The following USP13 variants were observed in gnomAD, a reference collection of about 807,000 sequenced individuals.
USP13 encodes ubiquitin carboxyl-terminal hydrolase 13.
In USP13, 68 loss-of-function variants were observed where a neutral mutation model predicts 107.8. That is an observed-to-expected ratio of 0.63 (90% confidence interval 0.52 to 0.77). The LOEUF (loss-of-function observed/expected upper bound fraction) is 0.77, where lower values mean the gene tolerates loss of function less well. USP13 is among the 30% of genes least tolerant of loss of function. USP13 has a pLI of 0.00. For synonymous variants in USP13, 377 were observed against 389.5 expected, an observed-to-expected ratio of 0.97 and a Z score of 0.38; for missense variants, 945 against 1,093.3, an observed-to-expected ratio of 0.86 and a Z score of 1.91.
chr3:179,736,035 C>G (rs1713984715), intron 10 of USP13, among the ~76,000 whole-genome samples: 1 of 152,114 alleles, frequency 6.6e-6, no homozygotes, highest in South Asian at 2.1e-4. Context: ...AAAACTTCAT[C>G]TCTTTAAAAA....
chr3:179,694,259 G>T (rs1390161845), intron 3 of USP13, among the ~76,000 whole-genome samples: 1 of 152,170 alleles, frequency 6.6e-6, no homozygotes, highest in Non-Finnish European at 1.5e-5. Context: ...ACAGATGTGA[G>T]CCACTGTGCC....
intron 10 of USP13, among the ~76,000 whole-genome samples, chr3:179,738,435 G>T (rs745652615): frequency 6.6e-6 from 1 of 152,220 alleles, no homozygotes; most frequent in Non-Finnish European, 1.5e-5. Context: ...TTTGTTAGCT[G>T]CATGGCAGTT....
Position 179,670,577 on chromosome 3 carries a change from G to A in USP13, c.169-11301G>A, listed in dbSNP as rs73883597. Among the ~76,000 whole-genome samples the A allele has an allele frequency of 5.8e-3, 888 of 152,214 alleles. 10 individuals carry two copies. Among genetic ancestry groups the A allele is most frequent in the African/African-American group, 0.02 (842 of 41,516 alleles). On this transcript the variant is annotated intron_variant, in intron 1 of 20. Coordinates refer to ENST00000263966, the MANE Select transcript of USP13 (RefSeq NM_003940.3). ...ATTTGCCTCCCTGAGGTTACACGCCGTATCACCTCTATTTTACTTGTTCCT... is the reference window on the plus strand; with the variant it reads ...ATTTGCCTCCCTGAGGTTACACGCCATATCACCTCTATTTTACTTGTTCCT...
intron 8 of USP13, among the ~76,000 whole-genome samples, chr3:179,726,352 A>C (rs1713515689): frequency 6.6e-6 from 1 of 152,212 alleles, no homozygotes; most frequent in Admixed American, 6.5e-5. Flanking sequence ...CAGAGTGGGC[A>C]CATGAAGGGC....
Position 179,784,291 on chromosome 3 carries a change from T to C in USP13, c.*150T>C, listed in dbSNP as rs557182912. ...TAAAGAGCACGATCAGTTGACACCT[T>C]CTGAAATAGAACTGAGAAGAAATTT... is the stretch of plus-strand genomic sequence containing the variant. On this transcript the variant is annotated 3_prime_UTR_variant, in exon 21 of 21. Transcript: ENST00000263966. The C allele has an allele frequency of 1.7e-6, 1 of 589,824 alleles. No homozygotes were observed. Among genetic ancestry groups the C allele is most frequent in the East Asian group, 2.8e-5 (1 of 35,334 alleles). 36.5% of individuals were successfully genotyped at this position (589,824 alleles called of 1,614,324 possible). A position where few individuals can be genotyped will look rare whatever the true frequency, so the allele number is the denominator to read the frequency against.
At chr3:179,667,024 C>T (rs1280376928) in intron 1 of USP13, among the ~76,000 whole-genome samples, 1 of 152,160 alleles carries the variant, frequency 6.6e-6, no homozygotes, top group Non-Finnish European at 1.5e-5. Context: ...TCACAGCTGC[C>T]CATTCAACAT....
At chr3:179,656,269 G>A (rs1312349577) in intron 1 of USP13, among the ~76,000 whole-genome samples, 1 of 152,226 alleles carries the variant, frequency 6.6e-6, no homozygotes, top group Admixed American at 6.5e-5. Context: ...GAGAGTAGAT[G>A]ATGGGGGCCT....
At position 179,784,174 on chromosome 3, in the gene USP13, A is replaced by G. The variant is rs760720312; in HGVS notation, c.*33A>G. 2.6e-6 allele frequency: 4 copies of G among 1,520,316 alleles called. No homozygotes were observed. The highest frequency in any genetic ancestry group is 4.5e-5 in the East Asian group (2 of 44,374). 94.2% of individuals were successfully genotyped at this position (1,520,316 alleles called of 1,614,324 possible). On this transcript the variant is annotated 3_prime_UTR_variant, in exon 21 of 21. Coordinates refer to ENST00000263966, the MANE Select transcript of USP13 (RefSeq NM_003940.3). ...ATATAAAAATTGGCGAAAAGAAGCCATACGCCTTTTTAATTTGCCAAAAAA... is the reference window on the plus strand; with the variant it reads ...ATATAAAAATTGGCGAAAAGAAGCCGTACGCCTTTTTAATTTGCCAAAAAA...
chr3:179,763,237 CT>C (rs1226002174), intron 17 of USP13, among the ~76,000 whole-genome samples: 13 of 152,080 alleles, frequency 8.5e-5, no homozygotes, highest in South Asian at 2.1e-4. Flanking sequence ...TCCAATTTAT[CT>C]TTTTTTTCTT....
chr3:179,684,673 T>C (rs1711803268), intron 2 of USP13, among the ~76,000 whole-genome samples: 1 of 152,216 alleles, frequency 6.6e-6, no homozygotes, highest in Admixed American at 6.5e-5. Flanking sequence ...CTCTTCACTC[T>C]CTCAGTTGTG....
At chr3:179,688,694 T>G (rs1317997833) in intron 2 of USP13, among the ~76,000 whole-genome samples, 1 of 152,236 alleles carries the variant, frequency 6.6e-6, no homozygotes, top group East Asian at 1.9e-4. Context: ...CTTGTTATCC[T>G]TCCGGCATCA....
chr3:179,772,790 G>T (rs891575952), intron 19 of USP13, among the ~76,000 whole-genome samples: 1 of 152,230 alleles, frequency 6.6e-6, no homozygotes, highest in South Asian at 2.1e-4. Context: ...GGAGCATTCG[G>T]CATTGTAACC....
In USP13 at chr3:179,681,941, GA is replaced by G; in HGVS notation, c.235del (p.Arg79AspfsTer14). On this transcript the variant is annotated frameshift_variant, in exon 2 of 21. Transcript: ENST00000263966. LOFTEE classifies it high-confidence loss of function. Reference sequence around the variant, plus strand: ...TTTGGCCTTTGGAAGGGAACATGTTGAAAGACATTTTCGAAAAACTGGACAG... The same window carrying G: ...TTTGGCCTTTGGAAGGGAACATGTTGAAGACATTTTCGAAAAACTGGACAG... ...TFLAFGREHV[E>X]RHFRKTGQSV... 1 of 1,614,048 alleles carries G rather than the reference GA, an allele frequency of 6.2e-7. No individual in the cohort carries two copies. Among genetic ancestry groups the G allele is most frequent in the Non-Finnish European group, 8.5e-7 (1 of 1,179,962 alleles).
chr3:179,775,349 T>C (rs184532852), intron 19 of USP13, among the ~76,000 whole-genome samples: 1 of 150,720 alleles, frequency 6.6e-6, no homozygotes, highest in Non-Finnish European at 1.5e-5. Flanking sequence ...GGTGCATCCA[T>C]GAACCCCAAG....
intron 19 of USP13, among the ~76,000 whole-genome samples, chr3:179,771,745 G>C (rs1441814762): frequency 1.3e-5 from 2 of 152,198 alleles, no homozygotes; most frequent in Non-Finnish European, 2.9e-5. Flanking sequence ...ATTATTACAA[G>C]GGTAGGGATT....
chr3:179,740,973 G>T (rs1469338805), intron 11 of USP13, among the ~76,000 whole-genome samples: 2 of 151,938 alleles, frequency 1.3e-5, no homozygotes, highest in Admixed American at 1.3e-4. Context: ...CACCATGTTG[G>T]TCAGGCTGGT....
intron 13 of USP13, among the ~76,000 whole-genome samples, chr3:179,745,814 C>A (rs1049383922): frequency 6.6e-6 from 1 of 152,124 alleles, no homozygotes; most frequent in African/African-American, 2.4e-5. Context: ...CAGGAAGTCT[C>A]CTGAGCATTG....
chr3:179,759,202 C>T (rs1348860767), intron 16 of USP13, among the ~76,000 whole-genome samples: 3 of 151,978 alleles, frequency 2.0e-5, no homozygotes, highest in East Asian at 1.9e-4. Flanking sequence ...AGGCTGGTCT[C>T]GAACTCCTGA....
intron 1 of USP13, among the ~76,000 whole-genome samples, chr3:179,655,555 TTGTTTTGTTTTG>T (rs770601489): frequency 0.019 from 2,668 of 141,930 alleles, 85 homozygotes; most frequent in Middle Eastern, 0.048. Context: ...AAGGTTTTTT[TTGTTTTGTTTTG>T]TTTTTTTTTT....
Sources: allele counts gnomAD v4.1 joint callset (sites outside exome capture counted in the v4.1 genomes callset), GRCh38; gene constraint gnomAD v4.1.1; transcripts MANE v1.5; gene names NCBI Gene and HGNC (gene_info 2026-07-23, HGNC 2026-07-21).